Variants in C12orf42 observed in about 807,000 individuals in gnomAD.
The protein encoded by C12orf42 is uncharacterized protein C12orf42.
Under a neutral mutation model 21.6 loss-of-function variants are expected in C12orf42, and 25 were observed. That is an observed-to-expected ratio of 1.16 (90% CI 0.84 to 1.62). The LOEUF (loss-of-function observed/expected upper bound fraction) is 1.62. Ranked by LOEUF, C12orf42 falls within the 40% of genes most tolerant of loss-of-function variation. The probability of loss-of-function intolerance (pLI) is 0.00; values close to 1 mark genes in which losing one functional copy is unlikely to be tolerated. For missense variants in C12orf42, 483 were observed against 459.3 expected, an observed-to-expected ratio of 1.05 and a Z score of -0.47; for synonymous variants, 174 against 175.0, an observed-to-expected ratio of 0.99 and a Z score of 0.05.
At chr12:103,330,868 C>A (rs2041183072) in intron 4 of C12orf42, among the ~76,000 whole-genome samples, 1 of 152,160 alleles carries the variant, frequency 6.6e-6, no homozygotes. Flanking sequence ...AGTTCTAACA[C>A]ACAGCAAATA....
chr12:103,424,245 G>C (rs1436555835), intron 2 of C12orf42, among the ~76,000 whole-genome samples: 2 of 152,190 alleles, frequency 1.3e-5, no homozygotes, highest in Admixed American at 1.3e-4. Context: ...ATGAATCTAC[G>C]AACTGAATCT....
chr12:103,162,965 C>T, the C12orf42 span: 1 of 152,214 alleles, frequency 6.6e-6, no homozygotes. Context: ...GATGCCCTTT[C>T]ACCAGGTAGA....
chr12:103,326,869 T>C (rs760140267), intron 4 of C12orf42, among the ~76,000 whole-genome samples: 7 of 152,246 alleles, frequency 4.6e-5, no homozygotes, highest in Non-Finnish European at 1.0e-4. Flanking sequence ...TTGTTTACTG[T>C]CTGGCTACTG....
chr12:103,529,614 A>T, the C12orf42 span, among the ~76,000 whole-genome samples: 18 of 152,270 alleles, frequency 1.2e-4, no homozygotes, highest in South Asian at 2.9e-3. Flanking sequence ...GGGATTTGAG[A>T]ATTTGAGCTC....
the C12orf42 span, among the ~76,000 whole-genome samples, chr12:103,530,979 G>A: frequency 3.9e-5 from 6 of 152,176 alleles, no homozygotes; most frequent in East Asian, 5.8e-4. Context: ...CAAAACAGTC[G>A]CCCCCATGAC....
At chr12:103,468,716 T>A (rs1042775588) in intron 2 of C12orf42, among the ~76,000 whole-genome samples, 5 of 151,250 alleles carry the variant, frequency 3.3e-5, no homozygotes, top group Non-Finnish European at 7.4e-5. Context: ...AAACAAACCC[T>A]ATGGGGAAAG....
chr12:103,166,287 A>G, the C12orf42 span, among the ~76,000 whole-genome samples: 1 of 152,204 alleles, frequency 6.6e-6, no homozygotes, highest in Admixed American at 6.5e-5. Context: ...TGAATATTTA[A>G]TGAGATAATA....
chr12:103,275,968 G>A (rs1296220527), intron 5 of C12orf42, among the ~76,000 whole-genome samples: 1 of 152,080 alleles, frequency 6.6e-6, no homozygotes, highest in African/African-American at 2.4e-5. Context: ...TACTACTCAG[G>A]AGGCTGAGGT....
chr12:103,414,212 G>A (rs530910670), intron 2 of C12orf42, among the ~76,000 whole-genome samples: 1 of 152,052 alleles, frequency 6.6e-6, no homozygotes, highest in Non-Finnish European at 1.5e-5. Context: ...TTGTGGTTTT[G>A]ATTTGCATTT....
At chr12:103,497,147 G>A (rs1955582428), upstream of C12orf42, among the ~76,000 whole-genome samples, 2 of 151,994 alleles carry the variant, frequency 1.3e-5, no homozygotes, top group African/African-American at 2.4e-5. Flanking sequence ...TTCCACTAAT[G>A]TATCACTTTC....
the C12orf42 span, among the ~76,000 whole-genome samples, chr12:103,077,587 GTGATAAAGGTGAAGAGAATTTGGCATTC>G: frequency 2.0e-5 from 3 of 152,214 alleles, no homozygotes; most frequent in Non-Finnish European, 2.9e-5. Context: ...AGAGCAGGCA[GTGATAAAGGTGAAGAGAATTTGGCATTC>G]TCAGCTTGAG....
At chr12:103,113,718 G>C in the C12orf42 span, among the ~76,000 whole-genome samples, 4 of 152,200 alleles carry the variant, frequency 2.6e-5, no homozygotes, top group South Asian at 8.3e-4. Flanking sequence ...TTTGGTTTAA[G>C]GTAAGTAAAG....
chr12:103,303,661 G>A (rs898146563), intron 5 of C12orf42, among the ~76,000 whole-genome samples: 4 of 152,050 alleles, frequency 2.6e-5, no homozygotes, highest in South Asian at 2.1e-4. Context: ...TTAGTTCATC[G>A]AACTCTGTTC....
the C12orf42 span, among the ~76,000 whole-genome samples, chr12:103,541,807 T>A: frequency 6.6e-6 from 1 of 152,216 alleles, no homozygotes; most frequent in East Asian, 1.9e-4. Context: ...AAAGCCATGG[T>A]TTATGTTGCT....
At chr12:103,264,774 T>C (rs1025869543), downstream of C12orf42, among the ~76,000 whole-genome samples, 10 of 152,120 alleles carry the variant, frequency 6.6e-5, no homozygotes, top group African/African-American at 2.4e-4. Context: ...CAAAAGTAAA[T>C]TCTAGAGCTG....
chr12:103,244,861 A>G (rs1454745962), intron 10 of C12orf42, among the ~76,000 whole-genome samples: 4 of 152,066 alleles, frequency 2.6e-5, no homozygotes, highest in African/African-American at 9.7e-5. Flanking sequence ...TACTCCTGCT[A>G]AATAACCAAA....
chr12:103,108,901 G>A, the C12orf42 span, among the ~76,000 whole-genome samples: 7 of 152,256 alleles, frequency 4.6e-5, no homozygotes, highest in African/African-American at 1.7e-4. Flanking sequence ...GCAAAGATGT[G>A]AAAGCTCCTA....
chr12:103,169,700 G>A, the C12orf42 span, among the ~76,000 whole-genome samples: 1 of 151,838 alleles, frequency 6.6e-6, no homozygotes, highest in African/African-American at 2.4e-5. Flanking sequence ...GATTAAAGAA[G>A]GTGTTTTGGA....
At chr12:103,434,643 C>T (rs369720456) in intron 2 of C12orf42, among the ~76,000 whole-genome samples, 3 of 152,098 alleles carry the variant, frequency 2.0e-5, no homozygotes, top group Non-Finnish European at 4.4e-5. Context: ...GGGTGACTGA[C>T]GCACCTGGAA....
Sources: gnomAD v4.1 joint callset for allele counts (sites outside exome capture counted in the v4.1 genomes callset) on GRCh38, gnomAD v4.1.1 for gene constraint, MANE v1.5 for transcripts, NCBI Gene and HGNC (gene_info 2026-07-23, HGNC 2026-07-21) for gene names.